The following TCEAL4 variants were observed in gnomAD, a reference collection of about 807,000 sequenced individuals.
The protein encoded by TCEAL4 is transcription elongation factor A protein-like 4.
In TCEAL4, 1 loss-of-function variant was observed where a neutral mutation model predicts 1.3. That is an observed-to-expected ratio of 0.79 (90% CI 0.28 to 3.76). TCEAL4 has a LOEUF of 3.76. Ranked by LOEUF, TCEAL4 falls within the 30% of genes most tolerant of loss-of-function variation. TCEAL4 has a pLI of 0.18. For synonymous variants in TCEAL4, 54 were observed against 50.7 expected (o/e 1.06, Z -0.28); for missense variants, 129 against 154.7 (o/e 0.83, Z 0.88).
intron 1 of TCEAL4, chrX:103,585,948 C>A: frequency 9.3e-7 from 1 of 1,079,087 alleles, no homozygotes. Context: ...AAGTAAACCC[C>A]ATCTGCCGTT....
At chrX:103,585,840 A>G (rs1268389269) in intron 1 of TCEAL4, 4 of 1,044,987 alleles carry the variant, frequency 3.8e-6, no homozygotes, top group Non-Finnish European at 5.0e-6. Context: ...ACCCCCAAGT[A>G]TCCATGCTCG....
At position 103,587,555 on chromosome X, in the gene TCEAL4, A is replaced by G. The variant is rs2073569263; in HGVS notation, c.*232A>G. 1 of 327,865 alleles carries G rather than the reference A, an allele frequency of 3.1e-6. No individual in the cohort carries two copies. Among genetic ancestry groups the G allele is most frequent in the African/African-American group, 2.7e-5 (1 of 37,194 alleles). The allele number at this position is 327,865 out of a possible 1,213,427, so 27.0% of individuals were successfully genotyped here. On this transcript the variant is annotated 3_prime_UTR_variant, in exon 3 of 3. Coordinates refer to ENST00000472484, the MANE Select transcript of TCEAL4 (RefSeq NM_001006935.3). ...AGTACATTTTTGTAAAACTACAAAG[A>G]TACTTACCTAGTAATATAGTATAGA...
At position 103,587,007 on chromosome X, in the gene TCEAL4, G is replaced by C. The variant is rs2073559715; in HGVS notation, c.332G>C (p.Arg111Thr). 4 of 1,208,996 alleles carry C rather than the reference G, an allele frequency of 3.3e-6. No individual in the cohort carries two copies. The Admixed American group carries it at 8.8e-5, about 26-fold the overall frequency. Residue 111 changes from arginine (R) to threonine (T), a missense_variant, in exon 3 of 3, where the codon AGG becomes ACG. By Grantham distance (71) the Arg-to-Thr change is moderately conservative. This residue lies in a region of TCEAL4 where 116 missense variants were observed against 120.3 expected (regional missense o/e 0.96). Coordinates refer to ENST00000472484, the MANE Select transcript of TCEAL4 (RefSeq NM_001006935.3). ...ESEGEPGSET[R>T]AAGKRPAEDD... is the part of the protein sequence containing the mutation. ...GAAGGAGAGCCAGGGAGTGAAACAA[G>C]GGCTGCAGGAAAGCGCCCAGCTGAG...
chrX:103,581,977 C>A (rs1265513179), upstream of TCEAL4, among the ~76,000 whole-genome samples: 3 of 111,833 alleles, frequency 2.7e-5, no homozygotes, highest in African/African-American at 9.7e-5. Flanking sequence ...AGATGAAATT[C>A]TCCTATATCT....
chrX:103,579,474 G>A (rs1464321561), intron 2 of TCEAL4, among the ~76,000 whole-genome samples: 2 of 112,189 alleles, frequency 1.8e-5, no homozygotes, highest in African/African-American at 6.4e-5. Flanking sequence ...AGTTTTTGGT[G>A]TACAAGTCTT....
chrX:103,580,770 T>G (rs1349497493), upstream of TCEAL4, among the ~76,000 whole-genome samples: 1 of 111,738 alleles, frequency 8.9e-6, no homozygotes, highest in Non-Finnish European at 1.9e-5. Context: ...ATTATCTCTG[T>G]GGGTACATCA....
At position 103,586,546 on chromosome X, in the gene TCEAL4, C is replaced by T. The variant is rs762274465; in HGVS notation, c.-27-103C>T. 2.0e-4 allele frequency: 210 copies of T among 1,033,087 alleles called. 2 individuals carry two copies. In the South Asian group the frequency reaches 4.6e-3, roughly 23 times the overall value. The allele number at this position is 1,033,087 out of a possible 1,213,427, so 85.1% of individuals were successfully genotyped here. A position where few individuals can be genotyped will look rare whatever the true frequency, so the allele number is the denominator to read the frequency against. ...CTGGCCAGCTTAGGGGAACCCTCAT[C>T]AGGGGTGAGATGCAAGTACTATCCA... On this transcript the variant is annotated intron_variant, in intron 2 of 2. Transcript: ENST00000472484.
exon 1 of TCEAL4, chrX:103,576,280 T>TAA (rs2073483103): frequency 1.7e-6 from 1 of 580,096 alleles, no homozygotes. Flanking sequence ...GGCCAGAAAG[T>TAA]AAATATTTCA....
intron 2 of TCEAL4, among the ~76,000 whole-genome samples, chrX:103,580,092 C>T (rs777107676): frequency 2.6e-4 from 29 of 112,155 alleles, no homozygotes; most frequent in Non-Finnish European, 5.4e-4. Flanking sequence ...GTAGCTAGCA[C>T]AGTGCTGCTA....
chrX:103,576,504 C>T (rs1487030719), exon 1 of TCEAL4: 1 of 1,156,587 alleles, frequency 8.6e-7, no homozygotes, highest in Non-Finnish European at 1.2e-6. Context: ...CAGCTCACGC[C>T]TGTAATCCCA....
At chrX:103,579,743 C>T (rs1254466421) in intron 2 of TCEAL4, among the ~76,000 whole-genome samples, 1 of 112,041 alleles carries the variant, frequency 8.9e-6, no homozygotes, top group Non-Finnish European at 1.9e-5. Context: ...TTCCTTTCAA[C>T]CCGGATGCCT....
intron 1 of TCEAL4, among the ~76,000 whole-genome samples, chrX:103,576,936 G>A (rs2073486394): frequency 8.9e-6 from 1 of 111,992 alleles, no homozygotes; most frequent in East Asian, 2.8e-4. Context: ...TTTTCAGCAT[G>A]GTGGTTTCAG....
chrX:103,584,086 C>T (rs138239074), upstream of TCEAL4, among the ~76,000 whole-genome samples: 631 of 110,261 alleles, frequency 5.7e-3, 6 homozygotes, highest in African/African-American at 0.02. Context: ...CACCACCACG[C>T]CCAGCTAGTT....
At chrX:103,584,868 A>G (rs1352679884), upstream of TCEAL4, among the ~76,000 whole-genome samples, 1 of 112,592 alleles carries the variant, frequency 8.9e-6, no homozygotes, top group Non-Finnish European at 1.9e-5. Context: ...ATGGGTTCAT[A>G]TTTGGGTTTT....
chrX:103,584,372 T>C (rs962212673), upstream of TCEAL4, among the ~76,000 whole-genome samples: 1 of 112,100 alleles, frequency 8.9e-6, no homozygotes, highest in Non-Finnish European at 1.9e-5. Flanking sequence ...TCTATCAGCA[T>C]TTGTCTCTTT....
chrX:103,584,608 A>T, upstream of TCEAL4, among the ~76,000 whole-genome samples: 1 of 112,526 alleles, frequency 8.9e-6, no homozygotes, highest in South Asian at 3.6e-4. Context: ...CCAAAAGCTT[A>T]TGTGGAGATA....
chrX:103,585,541 C>G lies in TCEAL4; in HGVS notation c.-184C>G. 2.6e-6 allele frequency: 3 copies of G among 1,158,409 alleles called. No individual in the cohort carries two copies. Among genetic ancestry groups the G allele is most frequent in the Non-Finnish European group, 3.5e-6 (3 of 867,634 alleles). ...CACGGGCGCAGATGTAGGCACCGGT[C>G]CGAGTGCCTGCCCTCTGTCCCCGCG... On this transcript the variant is annotated 5_prime_UTR_variant, in exon 1 of 3. Transcript: ENST00000472484.
chrX:103,583,369 C>T (rs2073516785), upstream of TCEAL4, among the ~76,000 whole-genome samples: 1 of 111,780 alleles, frequency 8.9e-6, no homozygotes, highest in Non-Finnish European at 1.9e-5. Flanking sequence ...TGGGTATATA[C>T]CCAAAGGAAT....
rs1247259633 is a variant in TCEAL4, at chrX:103,587,407, C to A, written c.*84C>A. 5 of 1,037,921 alleles carry A rather than the reference C, an allele frequency of 4.8e-6. No homozygotes were observed. In the African/African-American group the frequency reaches 7.6e-5, roughly 16 times the overall value. 85.5% of individuals were successfully genotyped at this position (1,037,921 alleles called of 1,213,427 possible). ...TAGGCATCCCTCCTGTTGCTAGCAG[C>A]CTTTTGACCTATCTGCAATGCAGTG... On this transcript the variant is annotated 3_prime_UTR_variant, in exon 3 of 3. Coordinates refer to ENST00000472484, the MANE Select transcript of TCEAL4 (RefSeq NM_001006935.3).
Sources: allele counts gnomAD v4.1 joint callset (sites outside exome capture counted in the v4.1 genomes callset), GRCh38; gene constraint gnomAD v4.1.1; regional missense constraint gnomAD v4.1.1; transcripts MANE v1.5; gene names NCBI Gene and HGNC (gene_info 2026-07-23, HGNC 2026-07-21).